The following SH3GL2 variants were observed in gnomAD, a reference collection of about 807,000 sequenced individuals.
The protein encoded by SH3GL2 is SH3 domain containing GRB2 like 2, endophilin A1.
SH3GL2 carries 24 observed loss-of-function variants against 46.0 expected under a neutral mutation model. The observed-to-expected ratio is 0.52, with a 90% CI of 0.38 to 0.73. The LOEUF (loss-of-function observed/expected upper bound fraction) is 0.73, where lower values mean the gene tolerates loss of function less well. SH3GL2 is among the 30% of genes least tolerant of loss of function. The pLI is 0.00. For missense variants in SH3GL2, 413 were observed against 424.2 expected, an observed-to-expected ratio of 0.97 and a Z score of 0.23; for synonymous variants, 196 against 147.1, an observed-to-expected ratio of 1.33 and a Z score of -2.40.
intron 1 of SH3GL2, among the ~76,000 whole-genome samples, chr9:17,737,492 C>T (rs1399191026): frequency 2.6e-5 from 4 of 151,990 alleles, no homozygotes; most frequent in African/African-American, 9.7e-5. Context: ...TTGTATTAAC[C>T]TACATCACAT....
chr9:17,728,582 C>T (rs1822085754), intron 1 of SH3GL2, among the ~76,000 whole-genome samples: 1 of 152,086 alleles, frequency 6.6e-6, no homozygotes, highest in Non-Finnish European at 1.5e-5. Context: ...ACCCATCAGC[C>T]TGTCATCTAC....
intron 1 of SH3GL2, among the ~76,000 whole-genome samples, chr9:17,741,238 G>C (rs1055888909): frequency 6.6e-6 from 1 of 152,100 alleles, no homozygotes; most frequent in East Asian, 1.9e-4. Flanking sequence ...AAAGTATTAT[G>C]TTTATTTTCT....
intron 1 of SH3GL2, among the ~76,000 whole-genome samples, chr9:17,633,361 C>T (rs371628284): frequency 2.0e-5 from 3 of 152,306 alleles, no homozygotes; most frequent in African/African-American, 7.2e-5. Context: ...AATGGCTGCA[C>T]TGCTGCCAGT....
intron 3 of SH3GL2, among the ~76,000 whole-genome samples, chr9:17,785,591 C>T (rs543178033): frequency 6.6e-6 from 1 of 152,226 alleles, no homozygotes; most frequent in African/African-American, 2.4e-5. Context: ...AATTTTGAAC[C>T]TGAGGAACCT....
intron 1 of SH3GL2, among the ~76,000 whole-genome samples, chr9:17,690,034 A>G (rs1202240497): frequency 2.0e-5 from 3 of 152,042 alleles, no homozygotes; most frequent in African/African-American, 7.2e-5. Context: ...TTTCCTCTGA[A>G]TGCTTAACCG....
chr9:17,689,499 C>A (rs1337153142), intron 1 of SH3GL2, among the ~76,000 whole-genome samples: 2 of 151,962 alleles, frequency 1.3e-5, no homozygotes, highest in African/African-American at 4.8e-5. Context: ...ATTTTAAAGC[C>A]CAGTGCAGAT....
At chr9:17,689,853 A>G (rs1821026736) in intron 1 of SH3GL2, among the ~76,000 whole-genome samples, 1 of 152,112 alleles carries the variant, frequency 6.6e-6, no homozygotes, top group African/African-American at 2.4e-5. Context: ...TACTGAAATT[A>G]TTTATTTATT....
chr9:17,730,949 C>G (rs1266543714), intron 1 of SH3GL2, among the ~76,000 whole-genome samples: 1 of 152,082 alleles, frequency 6.6e-6, no homozygotes, highest in African/African-American at 2.4e-5. Flanking sequence ...CTTAGGCTTA[C>G]TTAGAGAACG....
intron 1 of SH3GL2, among the ~76,000 whole-genome samples, chr9:17,707,556 A>G (rs1466026960): frequency 6.6e-6 from 1 of 152,086 alleles, no homozygotes; most frequent in Non-Finnish European, 1.5e-5. Context: ...GTGCTGTACT[A>G]ACTTTGTGCT....
chr9:17,696,830 C>T (rs1482161850), intron 1 of SH3GL2, among the ~76,000 whole-genome samples: 3 of 152,144 alleles, frequency 2.0e-5, no homozygotes, highest in South Asian at 2.1e-4. Context: ...TTTTCATAGC[C>T]CATTTTTTGT....
chr9:17,751,634 C>T (rs1822850727), intron 2 of SH3GL2, among the ~76,000 whole-genome samples: 3 of 152,146 alleles, frequency 2.0e-5, no homozygotes, highest in Non-Finnish European at 2.9e-5. Context: ...CACCAGTCAT[C>T]TCTTGTGAGT....
intron 1 of SH3GL2, among the ~76,000 whole-genome samples, chr9:17,656,997 G>T (rs1820096992): frequency 6.6e-6 from 1 of 152,012 alleles, no homozygotes; most frequent in Non-Finnish European, 1.5e-5. Context: ...AAGTATTCTT[G>T]AACAAAAGTG....
intron 1 of SH3GL2, among the ~76,000 whole-genome samples, chr9:17,657,389 C>G (rs1820111517): frequency 6.6e-6 from 1 of 152,144 alleles, no homozygotes. Flanking sequence ...TCTAGGTCAC[C>G]CTTCCCTCAA....
chr9:17,641,793 G>A (rs1819689880), intron 1 of SH3GL2, among the ~76,000 whole-genome samples: 1 of 148,996 alleles, frequency 6.7e-6, no homozygotes, highest in Non-Finnish European at 1.5e-5. Flanking sequence ...TGGCTGCATA[G>A]TATTGCATGG....
chr9:17,664,175 C>T (rs1157891996), intron 1 of SH3GL2, among the ~76,000 whole-genome samples: 2 of 152,148 alleles, frequency 1.3e-5, no homozygotes, highest in Admixed American at 6.5e-5. Context: ...TGCTATTCAG[C>T]TGTGAGGCTA....
In SH3GL2 at chr9:17,633,712, A is replaced by G. The variant is rs79271616; in HGVS notation, c.45+54425A>G. On this transcript the variant is annotated intron_variant, in intron 1 of 8. Coordinates refer to ENST00000380607, the MANE Select transcript of SH3GL2 (RefSeq NM_003026.5). Reference sequence around the variant, plus strand: ...GACAGTCTTCTTAAACTTCTGGGAAATAAAGGCTGAAAACAGCAGGCTTTC... The same window carrying G: ...GACAGTCTTCTTAAACTTCTGGGAAGTAAAGGCTGAAAACAGCAGGCTTTC... Among the ~76,000 whole-genome samples the G allele has an allele frequency of 2.1e-4, 32 of 152,330 alleles. 1 individual carries two copies. In the East Asian group the frequency reaches 6.0e-3, roughly 29 times the overall value.
At chr9:17,741,166 TTAAAG>T (rs1292801939) in intron 1 of SH3GL2, among the ~76,000 whole-genome samples, 11 of 152,208 alleles carry the variant, frequency 7.2e-5, no homozygotes, top group African/African-American at 1.4e-4. Flanking sequence ...AGAATGTTAA[TTAAAG>T]TAATTCTGTT....
chr9:17,713,485 C>T (rs1821680855), intron 1 of SH3GL2, among the ~76,000 whole-genome samples: 2 of 150,980 alleles, frequency 1.3e-5, no homozygotes, highest in African/African-American at 4.9e-5. Context: ...TTGTTAAGGT[C>T]ATTCGTTTTG....
At chr9:17,654,713 G>A (rs776407398) in intron 1 of SH3GL2, among the ~76,000 whole-genome samples, 4 of 152,330 alleles carry the variant, frequency 2.6e-5, no homozygotes, top group Non-Finnish European at 5.9e-5. Context: ...GTATGAACCA[G>A]TAGCTAGTGT....
Sources: gnomAD v4.1 joint callset for allele counts (sites outside exome capture counted in the v4.1 genomes callset) on GRCh38, gnomAD v4.1.1 for gene constraint, MANE v1.5 for transcripts, NCBI Gene and HGNC (gene_info 2026-07-23, HGNC 2026-07-21) for gene names.